Variants in TRABD observed in about 807,000 individuals in gnomAD.
TRABD encodes the protein TraB domain containing.
In TRABD, 23 loss-of-function variants were observed where a neutral mutation model predicts 39.6. The ratio of observed to expected loss-of-function variants is 0.58; its 90% CI spans 0.42 to 0.82. The LOEUF is 0.82. Among genes scored for constraint, TRABD ranks in the 40% least tolerant of loss-of-function variants. TRABD has a pLI of 0.00. For synonymous variants in TRABD, 243 were observed against 232.1 expected, an observed-to-expected ratio of 1.05 and a Z score of -0.43; for missense variants, 487 against 544.9, an observed-to-expected ratio of 0.89 and a Z score of 1.06.
chr22:50,194,754 G>A (rs1007712298), intron 4 of TRABD, 146 bp from the exon 5 acceptor site: 2 of 1,288,166 alleles, frequency 1.6e-6, no homozygotes, highest in African/African-American at 3.0e-5. Flanking sequence ...AGAGAATTGA[G>A]CTGTCACTGC....
chr22:50,194,370 AGAT>A lies in TRABD; in HGVS notation c.146_148del (p.Met49del). Reference sequence around the variant, plus strand: ...GTGGACGCCTTCAACCTGCTCCTGGAGATGAAGCTGAAGCGGCGGCGTCAGCGG... The same window carrying A: ...GTGGACGCCTTCAACCTGCTCCTGGAGAAGCTGAAGCGGCGGCGTCAGCGG... On this transcript the variant is annotated inframe_deletion, in exon 4 of 10. Coordinates refer to ENST00000380909, the MANE Select transcript of TRABD (RefSeq NM_001320485.2). The A allele has an allele frequency of 6.2e-7, 1 of 1,612,896 alleles. No individual in the cohort carries two copies. The highest frequency in any genetic ancestry group is 1.7e-4 in the Middle Eastern group (1 of 6,058).
chr22:50,197,191 G>GCGGGGGGGGGGCCCCC, intron 5 of TRABD, 50 bp from the exon 6 acceptor site: 1 of 1,553,438 alleles, frequency 6.4e-7, no homozygotes, highest in African/African-American at 1.4e-5. Context: ...TTCCCCCAGC[G>GCGGGGGGGGGGCCCCC]CACCCCCGCA....
Position 50,198,317 on chromosome 22 carries a change from C to T in TRABD, c.957-28C>T. 1.3e-6 allele frequency: 2 copies of T among 1,539,302 alleles called. No homozygotes were observed. The highest frequency in any genetic ancestry group is 2.4e-5 in the South Asian group (2 of 82,408). ...GGGGTATGGGGAGCCCACCCCCAGCCAGGCCCAGCGCCCCCTCCCTCCCAC... is the reference window on the plus strand; with the variant it reads ...GGGGTATGGGGAGCCCACCCCCAGCTAGGCCCAGCGCCCCCTCCCTCCCAC... On this transcript the variant is annotated intron_variant, in intron 9 of 9. Transcript: ENST00000380909. This position sits in a 1 kb window ranked among gnomAD's most constrained non-coding sequence, Gnocchi z 7.9.
chr22:50,199,178 G>A lies in TRABD; in HGVS notation c.*659G>A, dbSNP rs1331494245. 5.6e-6 allele frequency: 4 copies of A among 716,394 alleles called. No homozygotes were observed. The highest frequency in any genetic ancestry group is 4.4e-5 in the South Asian group (3 of 67,678). The allele number at this position is 716,394 out of a possible 1,614,324, so 44.4% of individuals were successfully genotyped here. A position where few individuals can be genotyped will look rare whatever the true frequency, so the allele number is the denominator to read the frequency against. On this transcript the variant is annotated 3_prime_UTR_variant, in exon 10 of 10. Transcript: ENST00000380909. ...TTAAATCCAAAGGGAGAGAATTCGT[G>A]TTCTTGGGTCTGTCCCGAGTGGGCT...
At chr22:50,197,758 G>A in intron 7 of TRABD, 65 bp from the exon 8 acceptor site, 1 of 1,572,274 alleles carries the variant, frequency 6.4e-7, no homozygotes, top group Non-Finnish European at 8.7e-7. Flanking sequence ...GGTGTCCACA[G>A]TGCCAGCCCC....
At chr22:50,193,511 T>A (rs554616255) in intron 2 of TRABD, 65 bp from the exon 3 acceptor site, 19 of 1,480,584 alleles carry the variant, frequency 1.3e-5, no homozygotes, top group Non-Finnish European at 1.8e-5. Flanking sequence ...TCCGTGGAGT[T>A]GCCACGGAGC....
intron 1 of TRABD, among the ~76,000 whole-genome samples, chr22:50,186,558 C>G (rs900419606): frequency 6.6e-6 from 1 of 152,136 alleles, no homozygotes; most frequent in Non-Finnish European, 1.5e-5. Flanking sequence ...GCCCCAGCCA[C>G]CCCCGCCTGC....
At chr22:50,194,578 C>G (rs1178218457) in intron 4 of TRABD, 72 bp downstream of exon 4, 28 of 1,540,122 alleles carry the variant, frequency 1.8e-5, no homozygotes, top group Non-Finnish European at 2.5e-5. Flanking sequence ...TCAGGGACCT[C>G]CCGGCAGGGC....
Position 50,197,594 on chromosome 22 carries a change from G to A in TRABD, c.671+6G>A, listed in dbSNP as rs779497333. 4 of 1,612,242 alleles carry A rather than the reference G, an allele frequency of 2.5e-6. No individual in the cohort carries two copies. The East Asian group carries it at 8.9e-5, about 36-fold the overall frequency. On this transcript the variant is annotated splice_donor_region_variant and intron_variant, in intron 7 of 9. Coordinates refer to ENST00000380909, the MANE Select transcript of TRABD (RefSeq NM_001320485.2). ...TTCCTGTCAGACCCCATCAGGTAGGGCTGCCCCCGGGACCCTGGCCGGCCT... is the reference window on the plus strand; with the variant it reads ...TTCCTGTCAGACCCCATCAGGTAGGACTGCCCCCGGGACCCTGGCCGGCCT...
chr22:50,198,021 C>T lies in TRABD; in HGVS notation c.844+26C>T. 1.9e-6 allele frequency: 3 copies of T among 1,610,704 alleles called. No homozygotes were observed. Among genetic ancestry groups the T allele is most frequent in the Non-Finnish European group, 2.5e-6 (3 of 1,178,542 alleles). ...GTGACGGCCGCCCGCAGGCGTGGGA[C>T]CCCCTGTGAGGCTGAGGCCCGAGCA... On this transcript the variant is annotated intron_variant, in intron 8 of 9. Transcript: ENST00000380909. The surrounding 1 kb of genome is among the most constrained non-coding windows in gnomAD (Gnocchi z 7.9).
Position 50,198,834 on chromosome 22 carries a change from T to C in TRABD, c.*315T>C. Reference sequence around the variant, plus strand: ...GGAGGGGCCGAGGCGTGCGCTGCCCTCTCAGCCCTGGTGGCAGGCGGGGGA... The same window carrying C: ...GGAGGGGCCGAGGCGTGCGCTGCCCCCTCAGCCCTGGTGGCAGGCGGGGGA... On this transcript the variant is annotated 3_prime_UTR_variant, in exon 10 of 10. Coordinates refer to ENST00000380909, the MANE Select transcript of TRABD (RefSeq NM_001320485.2). This position sits in a 1 kb window ranked among gnomAD's most constrained non-coding sequence, Gnocchi z 7.9. 1 of 545,254 alleles carries C rather than the reference T, an allele frequency of 1.8e-6. No homozygotes were observed. The highest frequency in any genetic ancestry group is 3.3e-6 in the Non-Finnish European group (1 of 306,654). The allele number at this position is 545,254 out of a possible 1,614,324, so 33.8% of individuals were successfully genotyped here.
chr22:50,195,131 CCAGT>C, intron 5 of TRABD, 91 bp downstream of exon 5: 1 of 1,451,608 alleles, frequency 6.9e-7, no homozygotes, highest in Non-Finnish European at 9.1e-7. Flanking sequence ...GCCCATGCCC[CCAGT>C]CAGTGTGGCT....
At chr22:50,191,059 C>T (rs938867081) in intron 1 of TRABD, among the ~76,000 whole-genome samples, 2 of 152,204 alleles carry the variant, frequency 1.3e-5, no homozygotes, top group African/African-American at 2.4e-5. Context: ...AGGCTCAAGG[C>T]CCCCGGGGAC....
intron 1 of TRABD, among the ~76,000 whole-genome samples, chr22:50,187,856 T>G (rs1247100453): frequency 6.6e-6 from 1 of 152,072 alleles, no homozygotes; most frequent in African/African-American, 2.4e-5. Context: ...GGCAGGCGCC[T>G]GTAGTCCCAG....
In TRABD at chr22:50,197,615, G is replaced by A. The variant is rs574405391; in HGVS notation, c.671+27G>A. The stretch of plus-strand genomic sequence containing the variant: ...TAGGGCTGCCCCCGGGACCCTGGCC[G>A]GCCTGCAGGGTGGTCTGTGGGAGGC... On this transcript the variant is annotated intron_variant, in intron 7 of 9. Coordinates refer to ENST00000380909, the MANE Select transcript of TRABD (RefSeq NM_001320485.2). The A allele has an allele frequency of 2.4e-5, 38 of 1,609,330 alleles. 2 individuals carry two copies. The South Asian group carries it at 3.1e-4, about 13-fold the overall frequency.
chr22:50,193,675 T>C, intron 3 of TRABD, 21 bp downstream of exon 3: 1 of 1,610,482 alleles, frequency 6.2e-7, no homozygotes, highest in East Asian at 2.2e-5. Context: ...CTCAGGGTCC[T>C]GGCACGTTCC....
intron 7 of TRABD, 64 bp from the exon 8 acceptor site, chr22:50,197,759 T>C: frequency 1.3e-6 from 2 of 1,561,206 alleles, no homozygotes; most frequent in Non-Finnish European, 1.8e-6. Flanking sequence ...GTGTCCACAG[T>C]GCCAGCCCCA....
chr22:50,197,151 C>A, intron 5 of TRABD, 90 bp from the exon 6 acceptor site: 1 of 1,322,250 alleles, frequency 7.6e-7, no homozygotes, highest in Non-Finnish European at 1.1e-6. Context: ...GGGCTCTGCG[C>A]TGGTGCTGCC....
intron 5 of TRABD, among the ~76,000 whole-genome samples, chr22:50,196,362 T>C (rs921709097): frequency 6.6e-6 from 1 of 152,216 alleles, no homozygotes; most frequent in Non-Finnish European, 1.5e-5. Flanking sequence ...CCAGGGCTCA[T>C]GGCTCAGGCC....
Sources: allele counts gnomAD v4.1 joint callset (sites outside exome capture counted in the v4.1 genomes callset), GRCh38; gene constraint gnomAD v4.1.1; non-coding constraint Gnocchi (gnomAD v3.1); transcripts MANE v1.5; gene names NCBI Gene and HGNC (gene_info 2026-07-23, HGNC 2026-07-21).